The following CHRM3 variants were observed in gnomAD, a reference collection of about 807,000 sequenced individuals.
The protein encoded by CHRM3 is cholinergic receptor muscarinic 3, also known as muscarinic acetylcholine receptor M3.
Under a neutral mutation model 41.8 loss-of-function variants are expected in CHRM3, and 11 were observed. That is an observed-to-expected ratio of 0.26 (90% CI 0.17 to 0.44). CHRM3 has a LOEUF of 0.44. CHRM3 is among the 20% of genes least tolerant of loss of function. The probability of loss-of-function intolerance (pLI) is 1.00; values close to 1 mark genes in which losing one functional copy is unlikely to be tolerated. For missense variants in CHRM3, 571 were observed against 745.4 expected, an observed-to-expected ratio of 0.77 and a Z score of 2.72; for synonymous variants, 297 against 301.4, an observed-to-expected ratio of 0.99 and a Z score of 0.15.
At chr1:239,848,966 A>G (rs890709608) in intron 6 of CHRM3, among the ~76,000 whole-genome samples, 1 of 152,212 alleles carries the variant, frequency 6.6e-6, no homozygotes, top group African/African-American at 2.4e-5. Context: ...CTATAGCTAC[A>G]GTATAGAGTT....
intron 1 of CHRM3, among the ~76,000 whole-genome samples, chr1:239,440,029 C>G: frequency 6.6e-6 from 1 of 151,668 alleles, no homozygotes; most frequent in East Asian, 2.0e-4. Flanking sequence ...GAAACCCTGT[C>G]TCTACTAAAA....
At chr1:239,524,810 C>T (rs1488809322) in intron 2 of CHRM3, among the ~76,000 whole-genome samples, 1 of 152,094 alleles carries the variant, frequency 6.6e-6, no homozygotes, top group Non-Finnish European at 1.5e-5. Flanking sequence ...AAGAAAGGTT[C>T]CATCCTGCCA....
chr1:239,485,248 G>C (rs1334305581), intron 1 of CHRM3, among the ~76,000 whole-genome samples: 1 of 152,138 alleles, frequency 6.6e-6, no homozygotes, highest in Non-Finnish European at 1.5e-5. Flanking sequence ...ACCCTACTCA[G>C]CTCATGATTG....
chr1:239,427,085 T>A (rs886827496), intron 1 of CHRM3, among the ~76,000 whole-genome samples: 2 of 152,144 alleles, frequency 1.3e-5, no homozygotes, highest in Admixed American at 1.3e-4. Flanking sequence ...CAGTTTGCAA[T>A]ACGTGTGTGA....
intron 5 of CHRM3, among the ~76,000 whole-genome samples, chr1:239,781,659 A>G (rs755927496): frequency 6.6e-6 from 1 of 152,114 alleles, no homozygotes; most frequent in Non-Finnish European, 1.5e-5. Context: ...TCATGTTGAA[A>G]AGCAGTGGTG....
At chr1:239,777,677 G>T (rs555394449) in intron 5 of CHRM3, among the ~76,000 whole-genome samples, 48 of 152,254 alleles carry the variant, frequency 3.2e-4, no homozygotes, top group African/African-American at 1.2e-3. Context: ...TTCTTTGTCA[G>T]CCTATAGGCT....
intron 5 of CHRM3, among the ~76,000 whole-genome samples, chr1:239,804,472 A>G (rs1229613800): frequency 1.3e-5 from 2 of 152,096 alleles, no homozygotes; most frequent in South Asian, 2.1e-4. Context: ...TTTGAGCTAC[A>G]TTGTTTCCGC....
At chr1:239,794,031 C>T (rs945452259) in intron 5 of CHRM3, among the ~76,000 whole-genome samples, 2 of 151,878 alleles carry the variant, frequency 1.3e-5, no homozygotes, top group African/African-American at 4.8e-5. Flanking sequence ...CCAGGCTGGT[C>T]TCTTACTCAA....
chr1:239,872,827 G>T (rs1676708184), intron 6 of CHRM3, among the ~76,000 whole-genome samples: 1 of 152,070 alleles, frequency 6.6e-6, no homozygotes, highest in African/African-American at 2.4e-5. Flanking sequence ...TCAAAAATCA[G>T]CAGGCTCTCA....
intron 4 of CHRM3, among the ~76,000 whole-genome samples, chr1:239,664,837 A>T (rs1302551800): frequency 1.3e-5 from 2 of 151,990 alleles, no homozygotes; most frequent in African/African-American, 4.8e-5. Flanking sequence ...TTCTCAGTGT[A>T]CTTCTTGTCT....
At chr1:239,800,050 A>G (rs113744081) in intron 5 of CHRM3, among the ~76,000 whole-genome samples, 18 of 152,220 alleles carry the variant, frequency 1.2e-4, no homozygotes, top group African/African-American at 4.3e-4. Context: ...TTTTCCATAC[A>G]CTAATGATAG....
chr1:239,861,044 G>A (rs1675596850), intron 6 of CHRM3, among the ~76,000 whole-genome samples: 1 of 152,018 alleles, frequency 6.6e-6, no homozygotes, highest in African/African-American at 2.4e-5. Flanking sequence ...GAGGAACTAG[G>A]ACTCAAAATT....
chr1:239,399,071 G>T (rs905877422), intron 1 of CHRM3, among the ~76,000 whole-genome samples: 1 of 152,180 alleles, frequency 6.6e-6, no homozygotes, highest in African/African-American at 2.4e-5. Context: ...CATGGGCAAA[G>T]AAAGTAACTT....
At chr1:239,470,009 T>G (rs563445012) in intron 1 of CHRM3, among the ~76,000 whole-genome samples, 128 of 152,304 alleles carry the variant, frequency 8.4e-4, no homozygotes, top group African/African-American at 2.8e-3. Context: ...CCACTGAGCC[T>G]TGTCTGTGCC....
At position 239,880,058 on chromosome 1, in the gene CHRM3, G is replaced by A. The variant is rs146358255; in HGVS notation, c.-19-27375G>A. Among the ~76,000 whole-genome samples the A allele has an allele frequency of 2.3e-3, 349 of 152,310 alleles. 2 individuals are homozygous for A. Among genetic ancestry groups the A allele is most frequent in the Middle Eastern group, 0.014 (4 of 294 alleles). Reference sequence around the variant, plus strand: ...TATTCACGAGGCAGCAAAGCAAGAAGACAGGAGAAGAGATCCCAAACCCAA... The same window carrying A: ...TATTCACGAGGCAGCAAAGCAAGAAAACAGGAGAAGAGATCCCAAACCCAA... On this transcript the variant is annotated intron_variant, in intron 6 of 6. Transcript: ENST00000676153.
At chr1:239,648,616 G>A (rs951663233) in intron 4 of CHRM3, among the ~76,000 whole-genome samples, 1 of 152,158 alleles carries the variant, frequency 6.6e-6, no homozygotes, top group African/African-American at 2.4e-5. Flanking sequence ...AGGGAATATG[G>A]TGATTTCAAG....
chr1:239,650,971 TG>T (rs1410640019), intron 4 of CHRM3, among the ~76,000 whole-genome samples: 1 of 152,238 alleles, frequency 6.6e-6, no homozygotes, highest in Non-Finnish European at 1.5e-5. Flanking sequence ...TATGTAAATT[TG>T]TAAGTATACA....
chr1:239,554,756 G>T (rs1176604942), intron 3 of CHRM3, among the ~76,000 whole-genome samples: 1 of 132,440 alleles, frequency 7.6e-6, no homozygotes, highest in Non-Finnish European at 1.6e-5. Context: ...TTTAGATGGA[G>T]TCTCACTCTG....
At chr1:239,816,732 C>CTT (rs11309320) in intron 5 of CHRM3, among the ~76,000 whole-genome samples, 35,498 of 131,190 alleles carry the variant, frequency 0.27, 4,969 homozygotes, top group East Asian at 0.45. Flanking sequence ...GTGCCTCAGT[C>CTT]TTTTTTTTTT....
Sources: allele counts gnomAD v4.1 joint callset (sites outside exome capture counted in the v4.1 genomes callset), GRCh38; gene constraint gnomAD v4.1.1; transcripts MANE v1.5; gene names NCBI Gene and HGNC (gene_info 2026-07-23, HGNC 2026-07-21).